KSR2: variants seen among roughly 807,000 people sequenced by gnomAD.
KSR2 encodes kinase suppressor of ras 2.
A neutral mutation model predicts 107.8 loss-of-function variants in KSR2; 25 were observed. That is an observed-to-expected ratio of 0.23 (90% CI 0.17 to 0.32). KSR2 has a LOEUF of 0.32. Among genes scored for constraint, KSR2 ranks in the 10% least tolerant of loss-of-function variants. The probability of loss-of-function intolerance (pLI) is 1.00; values close to 1 mark genes in which losing one functional copy is unlikely to be tolerated. For synonymous variants in KSR2, 480 were observed against 507.0 expected (o/e 0.95, Z 0.71); for missense variants, 887 against 1,268.9 (o/e 0.70, Z 4.57).
intron 14 of KSR2, among the ~76,000 whole-genome samples, chr12:117,521,339 T>C (rs1874745655): frequency 6.6e-6 from 1 of 152,206 alleles, no homozygotes; most frequent in Admixed American, 6.5e-5. Flanking sequence ...CGCTTCCACC[T>C]GCTCATTTTA....
intron 4 of KSR2, among the ~76,000 whole-genome samples, chr12:117,740,348 CTATA>C (rs2136777296): frequency 8.4e-6 from 1 of 119,256 alleles, no homozygotes; most frequent in Admixed American, 1.0e-4. Flanking sequence ...GTTATATATA[CTATA>C]TATAGTATAT....
intron 3 of KSR2, among the ~76,000 whole-genome samples, chr12:117,836,170 CTG>C (rs1892204985): frequency 6.6e-6 from 1 of 152,150 alleles, no homozygotes; most frequent in East Asian, 1.9e-4. Context: ...GGTCAGAACA[CTG>C]TCTTCCATCC....
chr12:117,596,052 T>TCCCTC lies in KSR2; in HGVS notation c.1172-13698_1172-13694dup, dbSNP rs938469050. Among the ~76,000 whole-genome samples the TCCCTC allele has an allele frequency of 1.4e-4, 21 of 147,784 alleles. No homozygotes were observed. In the South Asian group the frequency reaches 1.9e-3, roughly 14 times the overall value. ...TCCCTCCCTCCCTTCCTTTTTCCCT[T>TCCCTC]CCCTCCCCTCCCCTCCCCTCCCCTC... On this transcript the variant is annotated intron_variant, in intron 5 of 19. Coordinates refer to ENST00000339824, the MANE Select transcript of KSR2 (RefSeq NM_173598.6).
At chr12:117,839,839 G>T (rs1892389881) in intron 3 of KSR2, among the ~76,000 whole-genome samples, 1 of 152,190 alleles carries the variant, frequency 6.6e-6, no homozygotes, top group Non-Finnish European at 1.5e-5. Flanking sequence ...AGAGCATCCT[G>T]CCCCACCAGG....
intron 3 of KSR2, among the ~76,000 whole-genome samples, chr12:117,803,076 C>A (rs1324954553): frequency 6.6e-6 from 1 of 152,150 alleles, no homozygotes; most frequent in African/African-American, 2.4e-5. Context: ...ATTCCTGAAG[C>A]GATTCTGGGC....
intron 1 of KSR2, among the ~76,000 whole-genome samples, chr12:117,944,105 G>A (rs550330567): frequency 3.9e-5 from 6 of 152,274 alleles, no homozygotes; most frequent in South Asian, 2.1e-4. Context: ...GGCCCGGAGC[G>A]GTGGCTCATG....
intron 3 of KSR2, among the ~76,000 whole-genome samples, chr12:117,771,449 G>C (rs1010753229): frequency 1.8e-4 from 28 of 152,104 alleles, no homozygotes; most frequent in Non-Finnish European, 1.2e-4. Context: ...TGACCACCTT[G>C]GACACATGTC....
chr12:117,932,583 G>A (rs1895724071), intron 1 of KSR2, among the ~76,000 whole-genome samples: 1 of 152,160 alleles, frequency 6.6e-6, no homozygotes, highest in South Asian at 2.1e-4. Context: ...GTAGCCAGGT[G>A]TGGTGGCACA....
At chr12:117,718,647 G>C (rs906991862) in intron 4 of KSR2, among the ~76,000 whole-genome samples, 9 of 152,298 alleles carry the variant, frequency 5.9e-5, no homozygotes, top group Non-Finnish European at 1.3e-4. Flanking sequence ...TGGAAGCTCA[G>C]TTTTGTCCTC....
chr12:117,728,676 C>T (rs1278299817), intron 4 of KSR2, among the ~76,000 whole-genome samples: 2 of 152,208 alleles, frequency 1.3e-5, no homozygotes, highest in African/African-American at 4.8e-5. Flanking sequence ...GGCCGTGCCG[C>T]CCTCACCACA....
intron 3 of KSR2, among the ~76,000 whole-genome samples, chr12:117,783,656 G>A (rs1889961749): frequency 6.6e-6 from 1 of 152,226 alleles, no homozygotes; most frequent in African/African-American, 2.4e-5. Context: ...CACATCTGAA[G>A]CATGGCCATT....
intron 3 of KSR2, among the ~76,000 whole-genome samples, chr12:117,847,866 A>T (rs912812114): frequency 1.3e-5 from 2 of 148,264 alleles, no homozygotes; most frequent in African/African-American, 4.9e-5. Flanking sequence ...TTCAGGTCTC[A>T]GTTCAATCCT....
chr12:117,600,727 C>A (rs1300192541), intron 5 of KSR2, among the ~76,000 whole-genome samples: 1 of 152,176 alleles, frequency 6.6e-6, no homozygotes, highest in Non-Finnish European at 1.5e-5. Context: ...TGGGTGAATG[C>A]TTAGAGCCAG....
intron 9 of KSR2, among the ~76,000 whole-genome samples, chr12:117,551,275 C>A (rs1877289223): frequency 6.6e-6 from 1 of 151,920 alleles, no homozygotes; most frequent in Non-Finnish European, 1.5e-5. Flanking sequence ...CCTCTTCCTC[C>A]TTCCTTTCCT....
chr12:117,808,130 T>G (rs1284546175), intron 3 of KSR2, among the ~76,000 whole-genome samples: 1 of 152,222 alleles, frequency 6.6e-6, no homozygotes, highest in Non-Finnish European at 1.5e-5. Context: ...TCTCCCCTCT[T>G]GACTCCAATT....
rs35096843 is a variant in KSR2 at position 117,678,102 on chromosome 12, A to ATTT, written c.987-10447_987-10445dup. Among the ~76,000 whole-genome samples the ATTT allele has an allele frequency of 3.9e-5, 5 of 127,522 alleles. 1 individual carries two copies. Among genetic ancestry groups the ATTT allele is most frequent in the South Asian group, 5.2e-4 (2 of 3,880 alleles). 83.7% of individuals were successfully genotyped at this position (127,522 alleles called of 152,430 possible). A position where few individuals can be genotyped will look rare whatever the true frequency, so the allele number is the denominator to read the frequency against. ...GGCATGTGCCACCAAAGCCCAGCTA[A>ATTT]TTTTTTTTTTTTTTTTTTTTGTATT... On this transcript the variant is annotated intron_variant, in intron 4 of 19. Transcript: ENST00000339824.
At chr12:117,584,878 G>C (rs1426625215) in intron 5 of KSR2, among the ~76,000 whole-genome samples, 4 of 152,220 alleles carry the variant, frequency 2.6e-5, no homozygotes, top group African/African-American at 9.7e-5. Context: ...GAGAAGTGCA[G>C]TGACTTGCTA....
At chr12:117,886,577 C>G (rs1169584180) in intron 1 of KSR2, among the ~76,000 whole-genome samples, 3 of 151,964 alleles carry the variant, frequency 2.0e-5, no homozygotes, top group African/African-American at 4.8e-5. Flanking sequence ...GCTATGCCAT[C>G]TAACGCTTGT....
At chr12:117,670,378 T>C (rs1034693898) in intron 4 of KSR2, among the ~76,000 whole-genome samples, 7 of 152,084 alleles carry the variant, frequency 4.6e-5, no homozygotes, top group Admixed American at 3.9e-4. Flanking sequence ...TTATCTTCTC[T>C]CCAATGATGA....
Sources: allele counts gnomAD v4.1 joint callset (sites outside exome capture counted in the v4.1 genomes callset), GRCh38; gene constraint gnomAD v4.1.1; transcripts MANE v1.5; gene names NCBI Gene and HGNC (gene_info 2026-07-23, HGNC 2026-07-21).